OR52N4: variants seen among roughly 807,000 people sequenced by gnomAD.
OR52N4 encodes the protein olfactory receptor family 52 subfamily N member 4.
OR52N4 carries 15 observed loss-of-function variants against 15.0 expected under a neutral mutation model. The observed-to-expected ratio is 1.00, with a 90% CI of 0.67 to 1.54. The LOEUF is 1.54. Among genes scored for constraint, OR52N4 ranks in the 40% most tolerant of loss-of-function variants. The pLI, the probability that OR52N4 is intolerant of heterozygous loss-of-function variation, is 0.00. For synonymous variants in OR52N4, 143 were observed against 143.7 expected (o/e 1.00, Z 0.03); for missense variants, 421 against 394.0 (o/e 1.07, Z -0.58).
the OR52N4 span, among the ~76,000 whole-genome samples, chr11:5,727,625 T>C: frequency 1.3e-5 from 2 of 152,234 alleles, no homozygotes; most frequent in Non-Finnish European, 2.9e-5. Flanking sequence ...AAGGGCATTC[T>C]TTCTTTCCTT....
chr11:5,742,928 C>T, the OR52N4 span, among the ~76,000 whole-genome samples: 33 of 152,168 alleles, frequency 2.2e-4, no homozygotes, highest in South Asian at 3.9e-3. Context: ...CTAAATGCTC[C>T]ACTTAAAACA....
At chr11:5,746,960 A>C in the OR52N4 span, among the ~76,000 whole-genome samples, 1 of 146,252 alleles carries the variant, frequency 6.8e-6, no homozygotes. Flanking sequence ...GGCTGGGCAC[A>C]GTGGCTCATG....
chr11:5,735,352 A>G, the OR52N4 span, among the ~76,000 whole-genome samples: 1,990 of 152,206 alleles, frequency 0.013, 70 homozygotes, highest in Admixed American at 0.074. Flanking sequence ...AAAATAAAGG[A>G]TTGTAATAGT....
chr11:5,729,357 T>C, the OR52N4 span, among the ~76,000 whole-genome samples: 45 of 152,124 alleles, frequency 3.0e-4, no homozygotes, highest in South Asian at 7.1e-3. Context: ...CCTGACCTTG[T>C]GATCCGCCTG....
chr11:5,737,380 C>T, the OR52N4 span: 3 of 1,614,074 alleles, frequency 1.9e-6, no homozygotes, highest in South Asian at 3.3e-5. Context: ...ATGTGTTGCA[C>T]AACATCATCC....
At chr11:5,748,388 A>T in the OR52N4 span, among the ~76,000 whole-genome samples, 1 of 132,226 alleles carries the variant, frequency 7.6e-6, no homozygotes, top group East Asian at 3.0e-4. Context: ...ATAATCAGTT[A>T]TTTTTAGCAA....
the OR52N4 span, among the ~76,000 whole-genome samples, chr11:5,746,313 C>A: frequency 6.6e-6 from 1 of 152,052 alleles, no homozygotes; most frequent in Non-Finnish European, 1.5e-5. Context: ...CATAATTAAA[C>A]TAAAAAGCTT....
Position 5,754,744 on chromosome 11 carries a change from C to A in OR52N4, c.4C>A (p.Leu2Ile), listed in dbSNP as rs775867412. ...TTCATAACCTACCAGACTTATCATG[C>A]TAACACTGAATAAAACAGACCTAAT... Reference protein sequence around the residue: MLTLNKTDLIPA... With the variant: MITLNKTDLIPA... Residue 2 changes from leucine (L) to isoleucine (I), a missense_variant, in exon 2 of 2, where the codon CTA becomes ATA. Physicochemically the swap from Leu to Ile is conservative, Grantham distance 5 (BLOSUM62 2). Transcript: ENST00000641350. 135 of 1,611,332 alleles carry A rather than the reference C, an allele frequency of 8.4e-5. No homozygotes were observed. The highest frequency in any genetic ancestry group is 1.1e-4 in the Non-Finnish European group (129 of 1,178,618).
the OR52N4 span, chr11:5,737,561 AATGAGTAAGTGAATACCTTTG>A: frequency 7.1e-7 from 1 of 1,403,368 alleles, no homozygotes; most frequent in Non-Finnish European, 9.7e-7. Flanking sequence ...AAAGAGGATA[AATGAGTAAGTGAATACCTTTG>A]GGATTCCCTT....
At chr11:5,738,587 T>C in the OR52N4 span, 6 of 152,094 alleles carry the variant, frequency 3.9e-5, no homozygotes, top group Non-Finnish European at 7.4e-5. Context: ...GCTTTATTTA[T>C]ATCACCAGCA....
chr11:5,737,834 A>C, the OR52N4 span: 1 of 186,284 alleles, frequency 5.4e-6, no homozygotes, highest in East Asian at 1.3e-4. Context: ...CAGACAAATG[A>C]GTGATTGGGA....
At chr11:5,737,279 AC>A in the OR52N4 span, 1 of 1,613,992 alleles carries the variant, frequency 6.2e-7, no homozygotes, top group African/African-American at 1.3e-5. Context: ...TTCACATCTC[AC>A]CCTCATCCTT....
At chr11:5,750,029 C>T (rs1349038158), upstream of OR52N4, among the ~76,000 whole-genome samples, 1 of 151,482 alleles carries the variant, frequency 6.6e-6, no homozygotes, top group East Asian at 1.9e-4. Flanking sequence ...GAAGATGGGA[C>T]CTAAATTGTT....
chr11:5,729,151 G>A, the OR52N4 span, among the ~76,000 whole-genome samples: 10 of 116,412 alleles, frequency 8.6e-5, no homozygotes, highest in African/African-American at 3.5e-4. Flanking sequence ...GCAGAGTCTC[G>A]CTCTGTCACC....
At chr11:5,753,702 CT>C (rs113490978), upstream of OR52N4, among the ~76,000 whole-genome samples, 26,214 of 151,844 alleles carry the variant, frequency 0.17, 2,415 homozygotes, top group East Asian at 0.25. Context: ...GTAATAATCC[CT>C]TTTAAAGGGC....
At chr11:5,731,434 T>C in the OR52N4 span, among the ~76,000 whole-genome samples, 1 of 152,122 alleles carries the variant, frequency 6.6e-6, no homozygotes, top group African/African-American at 2.4e-5. Flanking sequence ...CAGTAAAGGG[T>C]TTTCTGGCAC....
At position 5,755,549 on chromosome 11, in the gene OR52N4, T is replaced by A; in HGVS notation, c.809T>A (p.Ile270Lys). The change falls in exon 2 of 2, where the codon ATA becomes AAA. Residue 270 changes from isoleucine (I) to lysine (K), a missense_variant. Transcript: ENST00000641350. ...SFFSHRFGEH[I>K]IPPSCHIIVA... ...TTTTCCCACCGCTTTGGGGAACACA[T>A]AATCCCCCCTTCTTGCCACATCATT... is the stretch of plus-strand genomic sequence containing the variant. 2 of 1,613,814 alleles carry A rather than the reference T, an allele frequency of 1.2e-6. No individual in the cohort carries two copies. Among genetic ancestry groups the A allele is most frequent in the Non-Finnish European group, 8.5e-7 (1 of 1,179,816 alleles).
At chr11:5,743,166 C>A in the OR52N4 span, among the ~76,000 whole-genome samples, 1 of 97,628 alleles carries the variant, frequency 1.0e-5, no homozygotes, top group Admixed American at 9.7e-5. Flanking sequence ...CAATGTTAAT[C>A]AATTCAAGAA....
At chr11:5,737,176 A>G in the OR52N4 span, 3 of 1,613,958 alleles carry the variant, frequency 1.9e-6, no homozygotes, top group Non-Finnish European at 2.5e-6. Flanking sequence ...GGAGTGATCT[A>G]AGTCTTATTA....
Sources: gnomAD v4.1 joint callset for allele counts (sites outside exome capture counted in the v4.1 genomes callset) on GRCh38, gnomAD v4.1.1 for gene constraint, MANE v1.5 for transcripts, NCBI Gene and HGNC (gene_info 2026-07-23, HGNC 2026-07-21) for gene names.